The following FAM81A variants were observed in gnomAD, a reference collection of about 807,000 sequenced individuals.
FAM81A encodes the protein protein FAM81A.
FAM81A carries 19 observed loss-of-function variants against 46.7 expected under a neutral mutation model. The ratio of observed to expected loss-of-function variants is 0.41; its 90% CI spans 0.28 to 0.60. The LOEUF (loss-of-function observed/expected upper bound fraction) is 0.60, where lower values mean the gene tolerates loss of function less well. Among genes scored for constraint, FAM81A ranks in the 20% least tolerant of loss-of-function variants. The probability of loss-of-function intolerance (pLI) is 0.34; values close to 1 mark genes in which losing one functional copy is unlikely to be tolerated. For synonymous variants in FAM81A, 183 were observed against 152.9 expected (o/e 1.20, Z -1.45); for missense variants, 377 against 453.5 (o/e 0.83, Z 1.53).
chr15:59,487,521 G>GA (rs1364403148), intron 3 of FAM81A, among the ~76,000 whole-genome samples: 1 of 151,162 alleles, frequency 6.6e-6, no homozygotes, highest in Non-Finnish European at 1.5e-5. Flanking sequence ...GCTAGACTAA[G>GA]AAAAAAACAG....
At chr15:59,505,446 A>G (rs566669924) in intron 4 of FAM81A, among the ~76,000 whole-genome samples, 1 of 151,308 alleles carries the variant, frequency 6.6e-6, no homozygotes, top group African/African-American at 2.4e-5. Flanking sequence ...CAGGAGGCAG[A>G]GGTTGCAGTG....
chr15:59,443,402 A>AG (rs1322544903), intron 1 of FAM81A, among the ~76,000 whole-genome samples: 1 of 152,222 alleles, frequency 6.6e-6, no homozygotes. Context: ...TTTAAAAAAA[A>AG]GATGTTTTCT....
At chr15:59,477,447 CT>C (rs1255051236) in intron 3 of FAM81A, among the ~76,000 whole-genome samples, 2 of 152,164 alleles carry the variant, frequency 1.3e-5, no homozygotes, top group East Asian at 3.8e-4. Context: ...GTGAAACTTA[CT>C]GCTAGACCCT....
At chr15:59,496,680 A>T (rs2082037639) in intron 4 of FAM81A, among the ~76,000 whole-genome samples, 1 of 152,086 alleles carries the variant, frequency 6.6e-6, no homozygotes, top group Non-Finnish European at 1.5e-5. Flanking sequence ...TATTCCATTG[A>T]TTCTCAATTA....
At chr15:59,510,769 C>A (rs564879527) in intron 6 of FAM81A, among the ~76,000 whole-genome samples, 6 of 108,518 alleles carry the variant, frequency 5.5e-5, no homozygotes, top group African/African-American at 2.3e-4. Context: ...CAGAATGAGA[C>A]CCTGTCTCAA....
rs535000983 is a variant in FAM81A, at chr15:59,413,417, A to AACACACACACAC, written c.-78+11093_-78+11104dup. ...CCTCAAAACTGGGTTGAGAGCATTA[A>AACACACACACAC]ACACACACACACACACACACACACA... On this transcript the variant is annotated intron_variant, in intron 2 of 4. Coordinates refer to the FAM81A transcript ENST00000558348. Among the ~76,000 whole-genome samples the AACACACACACAC allele has an allele frequency of 5.8e-3, 779 of 134,480 alleles. 4 individuals are homozygous for AACACACACACAC. The highest frequency in any genetic ancestry group is 8.9e-3 in the Non-Finnish European group (547 of 61,316). 88.2% of individuals were successfully genotyped at this position (134,480 alleles called of 152,430 possible).
intron 6 of FAM81A, among the ~76,000 whole-genome samples, chr15:59,512,356 C>A (rs2082220048): frequency 6.6e-6 from 1 of 150,594 alleles, no homozygotes; most frequent in Non-Finnish European, 1.5e-5. Flanking sequence ...CCTGTAGTCC[C>A]AGCTATTCAA....
intron 3 of FAM81A, among the ~76,000 whole-genome samples, chr15:59,469,228 G>A (rs2081653983): frequency 6.6e-6 from 1 of 152,150 alleles, no homozygotes; most frequent in South Asian, 2.1e-4. Context: ...TATTAGGTCT[G>A]CCTGTTGCAG....
intron 5 of FAM81A, 110 bp downstream of exon 5, chr15:59,507,452 G>T: frequency 7.4e-7 from 1 of 1,357,628 alleles, no homozygotes; most frequent in Non-Finnish European, 9.9e-7. Context: ...ATCTAGCATG[G>T]GTTTATGCCA....
At chr15:59,451,208 A>G (rs1433904443) in intron 1 of FAM81A, among the ~76,000 whole-genome samples, 2 of 152,138 alleles carry the variant, frequency 1.3e-5, no homozygotes, top group African/African-American at 4.8e-5. Context: ...ATATTAATTC[A>G]CACCAAGAAA....
At chr15:59,429,856 G>A (rs1286605448) in intron 2 of FAM81A, among the ~76,000 whole-genome samples, 18 of 152,168 alleles carry the variant, frequency 1.2e-4, no homozygotes, top group Non-Finnish European at 4.4e-5. Context: ...TGTAATAGAT[G>A]TAGGCAGAAG....
chr15:59,495,509 T>C (rs1328771185), intron 4 of FAM81A, among the ~76,000 whole-genome samples: 1 of 152,180 alleles, frequency 6.6e-6, no homozygotes, highest in East Asian at 1.9e-4. Context: ...TGCTCATAGG[T>C]TTTCATTTCT....
intron 3 of FAM81A, among the ~76,000 whole-genome samples, chr15:59,478,491 G>C (rs2081802894): frequency 6.6e-6 from 1 of 152,146 alleles, no homozygotes; most frequent in Admixed American, 6.5e-5. Context: ...ACAGGACCTT[G>C]GTTCAGTGTG....
intron 3 of FAM81A, among the ~76,000 whole-genome samples, chr15:59,479,253 T>C (rs2081814560): frequency 6.6e-6 from 1 of 152,142 alleles, no homozygotes; most frequent in Non-Finnish European, 1.5e-5. Flanking sequence ...GGCTCATGCC[T>C]GTAATCCCAG....
chr15:59,409,775 T>A (rs1362626780), intron 2 of FAM81A, among the ~76,000 whole-genome samples: 1 of 152,228 alleles, frequency 6.6e-6, no homozygotes, highest in African/African-American at 2.4e-5. Context: ...GCTTTTTTTC[T>A]CATCCAATAG....
intron 1 of FAM81A, chr15:59,401,084 T>G (rs1184808873): frequency 3.6e-6 from 2 of 553,132 alleles, no homozygotes; most frequent in African/African-American, 3.8e-5. Context: ...TTTTTTCCAT[T>G]TTAATGTTTG....
At chr15:59,421,985 T>A (rs1042957652) in intron 2 of FAM81A, among the ~76,000 whole-genome samples, 1 of 152,124 alleles carries the variant, frequency 6.6e-6, no homozygotes, top group African/African-American at 2.4e-5. Flanking sequence ...GAAAAGAAAG[T>A]TCATATGGCC....
intron 4 of FAM81A, among the ~76,000 whole-genome samples, chr15:59,504,552 A>G (rs2082129319): frequency 6.6e-6 from 1 of 152,166 alleles, no homozygotes; most frequent in Non-Finnish European, 1.5e-5. Flanking sequence ...GTCAATAATA[A>G]GTTTACCACA....
At chr15:59,481,250 G>A (rs932340733) in intron 3 of FAM81A, among the ~76,000 whole-genome samples, 6 of 152,164 alleles carry the variant, frequency 3.9e-5, no homozygotes, top group East Asian at 1.9e-4. Context: ...CTCCTGCCTC[G>A]GTCTCCCAGA....
Sources: gnomAD v4.1 joint callset for allele counts (sites outside exome capture counted in the v4.1 genomes callset) on GRCh38, gnomAD v4.1.1 for gene constraint, MANE v1.5 for transcripts, NCBI Gene and HGNC (gene_info 2026-07-23, HGNC 2026-07-21) for gene names.